DPYSL3: variants seen among roughly 807,000 people sequenced by gnomAD.
DPYSL3 encodes dihydropyrimidinase-related protein 3.
Under a neutral mutation model 66.1 loss-of-function variants are expected in DPYSL3, and 16 were observed. The ratio of observed to expected loss-of-function variants is 0.24; its 90% CI spans 0.16 to 0.37. The LOEUF (loss-of-function observed/expected upper bound fraction) is 0.37, where lower values mean the gene tolerates loss of function less well. Among genes scored for constraint, DPYSL3 ranks in the 10% least tolerant of loss-of-function variants. The pLI is 1.00. For synonymous variants in DPYSL3, 338 were observed against 345.1 expected (o/e 0.98, Z 0.23); for missense variants, 738 against 916.2 (o/e 0.81, Z 2.51).
chr5:147,446,431 T>C (rs1752630370), intron 1 of DPYSL3, among the ~76,000 whole-genome samples: 1 of 152,194 alleles, frequency 6.6e-6, no homozygotes, highest in Non-Finnish European at 1.5e-5. Context: ...AAAATCTCAT[T>C]GTCCAGCACT....
intron 1 of DPYSL3, among the ~76,000 whole-genome samples, chr5:147,495,466 T>C (rs1248816947): frequency 2.0e-5 from 3 of 152,210 alleles, no homozygotes; most frequent in Admixed American, 1.3e-4. Context: ...TTGTCCCTGT[T>C]TGCAGATGAC....
At chr5:147,495,014 G>A (rs1753478447) in intron 1 of DPYSL3, among the ~76,000 whole-genome samples, 1 of 151,936 alleles carries the variant, frequency 6.6e-6, no homozygotes, top group South Asian at 2.1e-4. Flanking sequence ...AGAAGAAATT[G>A]AAAATTTGAA....
intron 12 of DPYSL3, 30 bp from the exon 13 acceptor site, chr5:147,395,751 C>A: frequency 6.2e-7 from 1 of 1,611,386 alleles, no homozygotes; most frequent in Non-Finnish European, 8.5e-7. Context: ...TGTCACCATT[C>A]ATTCATTCAG....
intron 1 of DPYSL3, among the ~76,000 whole-genome samples, chr5:147,455,649 C>T (rs897152876): frequency 1.3e-5 from 2 of 151,746 alleles, no homozygotes; most frequent in Admixed American, 6.6e-5. Context: ...ACCAGCAGAG[C>T]TCTCTCTCTC....
intron 1 of DPYSL3, among the ~76,000 whole-genome samples, chr5:147,460,002 T>C (rs971094704): frequency 1.4e-4 from 22 of 151,784 alleles, no homozygotes; most frequent in Admixed American, 1.3e-4. Flanking sequence ...CCCAGCTACG[T>C]TGGGAGGCTG....
chr5:147,496,287 A>G (rs1753506480), intron 1 of DPYSL3, among the ~76,000 whole-genome samples: 1 of 152,266 alleles, frequency 6.6e-6, no homozygotes, highest in Admixed American at 6.5e-5. Flanking sequence ...ACCTAAAACC[A>G]TAAAAGCCCT....
intron 2 of DPYSL3, among the ~76,000 whole-genome samples, chr5:147,421,598 G>A (rs1027096894): frequency 6.6e-6 from 1 of 152,146 alleles, no homozygotes; most frequent in African/African-American, 2.4e-5. Context: ...CATACTACCT[G>A]ACTTCAAACT....
chr5:147,412,671 G>A lies in DPYSL3; in HGVS notation c.900C>T (p.Thr300=), dbSNP rs769127728. 1.4e-5 allele frequency: 23 copies of A among 1,611,982 alleles called. No individual in the cohort carries two copies. Among genetic ancestry groups the A allele is most frequent in the Non-Finnish European group, 2.0e-5 (23 of 1,179,084 alleles). Residue 300 remains threonine (T), a synonymous_variant, in exon 6 of 14, where the codon ACC becomes ACT. Transcript: ENST00000343218. ...CAATGGCCCCCAGCTCTCCCAGGCA[G>A]GTGAAGATCTCATAGAGCTGAAATA... ...VSNTELYEIF[T]CLGELGAIAQ...
chr5:147,467,355 T>C (rs772687094), intron 1 of DPYSL3, among the ~76,000 whole-genome samples: 19 of 151,876 alleles, frequency 1.3e-4, no homozygotes, highest in South Asian at 2.1e-4. Context: ...TTGAAAGGAG[T>C]TGCTGGTGTA....
At chr5:147,407,806 T>A (rs1035894479) in intron 7 of DPYSL3, among the ~76,000 whole-genome samples, 11 of 152,150 alleles carry the variant, frequency 7.2e-5, no homozygotes, top group African/African-American at 2.4e-4. Flanking sequence ...AAAATATCAC[T>A]AGATACAAAG....
chr5:147,456,677 G>A (rs1253986167), intron 1 of DPYSL3, among the ~76,000 whole-genome samples: 6 of 133,664 alleles, frequency 4.5e-5, no homozygotes, highest in African/African-American at 1.7e-4. Context: ...AGCAACCTCC[G>A]CCTCCCAGGT....
chr5:147,403,363 T>C (rs1261022813), intron 8 of DPYSL3, among the ~76,000 whole-genome samples: 2 of 152,108 alleles, frequency 1.3e-5, no homozygotes, highest in African/African-American at 4.8e-5. Context: ...ATCTTAAAAG[T>C]GGAAGAAATC....
At chr5:147,396,521 C>T (rs1241354302) in intron 12 of DPYSL3, among the ~76,000 whole-genome samples, 1 of 152,142 alleles carries the variant, frequency 6.6e-6, no homozygotes, top group Non-Finnish European at 1.5e-5. Context: ...GGAGCCTGAC[C>T]GTGCAGGATG....
chr5:147,396,887 T>A (rs1458152967), intron 12 of DPYSL3, among the ~76,000 whole-genome samples: 1 of 148,352 alleles, frequency 6.7e-6, no homozygotes, highest in Non-Finnish European at 1.5e-5. Flanking sequence ...ATATATATAG[T>A]GTGTGTATAG....
At chr5:147,497,088 A>G (rs1472876530) in intron 1 of DPYSL3, among the ~76,000 whole-genome samples, 1 of 152,194 alleles carries the variant, frequency 6.6e-6, no homozygotes, top group Non-Finnish European at 1.5e-5. Flanking sequence ...TGATGAGTTC[A>G]TGTCCTTTGT....
At chr5:147,465,435 G>A (rs1032651351) in intron 1 of DPYSL3, among the ~76,000 whole-genome samples, 6 of 152,090 alleles carry the variant, frequency 3.9e-5, no homozygotes, top group African/African-American at 1.4e-4. Context: ...AAGTAGCTGG[G>A]AATACAGGTG....
At chr5:147,413,766 G>A (rs141157375) in intron 4 of DPYSL3, 109 bp from the exon 5 acceptor site, 25 of 856,742 alleles carry the variant, frequency 2.9e-5, no homozygotes, top group African/African-American at 1.0e-4. Flanking sequence ...TGCATTACCC[G>A]GGCTCCTGTC....
Position 147,393,871 on chromosome 5 carries a change from G to A in DPYSL3, c.*164C>T. On this transcript the variant is annotated 3_prime_UTR_variant, in exon 14 of 14. Transcript: ENST00000343218. ...CAGAAAACAAAGCAATATTCGTAAA[G>A]CTAGGCAAGCGAGCGTAACATTGGA... is the stretch of plus-strand genomic sequence containing the variant. The A allele has an allele frequency of 1.4e-6, 1 of 711,260 alleles. No individual in the cohort carries two copies. The highest frequency in any genetic ancestry group is 2.4e-6 in the Non-Finnish European group (1 of 425,242). The allele number at this position is 711,260 out of a possible 1,614,324, so 44.1% of individuals were successfully genotyped here. A position where few individuals can be genotyped will look rare whatever the true frequency, so the allele number is the denominator to read the frequency against.
In DPYSL3 at chr5:147,510,040, A is replaced by C; in HGVS notation, c.-182T>G. 1 of 1,074,100 alleles carries C rather than the reference A, an allele frequency of 9.3e-7. No individual in the cohort carries two copies. Among genetic ancestry groups the C allele is most frequent in the Non-Finnish European group, 1.3e-6 (1 of 782,188 alleles). 66.5% of individuals were successfully genotyped at this position (1,074,100 alleles called of 1,614,324 possible). On this transcript the variant is annotated 5_prime_UTR_variant, in exon 1 of 14. Transcript: ENST00000343218. ...TAGCGAGCCAGCGAGCCACACAGCC[A>C]GCTAGCGCGCGGAGCAGGGGCCCAG... is the stretch of plus-strand genomic sequence containing the variant.
Sources: allele counts gnomAD v4.1 joint callset (sites outside exome capture counted in the v4.1 genomes callset), GRCh38; gene constraint gnomAD v4.1.1; transcripts MANE v1.5; gene names NCBI Gene and HGNC (gene_info 2026-07-23, HGNC 2026-07-21).